The following ATPSCKMT variants were observed in gnomAD, a reference collection of about 807,000 sequenced individuals.
ATPSCKMT encodes ATP synthase c subunit lysine N-methyltransferase, also known as ATP synthase subunit C lysine N-methyltransferase.
A neutral mutation model predicts 24.3 loss-of-function variants in ATPSCKMT; 24 were observed. The ratio of observed to expected loss-of-function variants is 0.99; its 90% confidence interval spans 0.71 to 1.39. The LOEUF is 1.39. Ranked by LOEUF, ATPSCKMT falls within the 40% of genes most tolerant of loss-of-function variation. The probability of loss-of-function intolerance (pLI) is 0.00; values close to 1 mark genes in which losing one functional copy is unlikely to be tolerated. For synonymous variants in ATPSCKMT, 95 were observed against 110.5 expected (o/e 0.86, Z 0.88); for missense variants, 311 against 298.4 (o/e 1.04, Z -0.31).
intron 1 of ATPSCKMT, among the ~76,000 whole-genome samples, chr5:10,247,525 T>C (rs1744989607): frequency 6.6e-6 from 1 of 152,134 alleles, no homozygotes; most frequent in Non-Finnish European, 1.5e-5. Context: ...AATTTTTTTC[T>C]TTAGAGACAG....
At chr5:10,237,926 T>C (rs893141534) in intron 2 of ATPSCKMT, among the ~76,000 whole-genome samples, 1 of 152,090 alleles carries the variant, frequency 6.6e-6, no homozygotes, top group Non-Finnish European at 1.5e-5. Context: ...TTTGTATTTT[T>C]AGTAGAGAAA....
chr5:10,236,327 G>A (rs541777153), intron 3 of ATPSCKMT, 151 bp downstream of exon 3: 15 of 938,256 alleles, frequency 1.6e-5, no homozygotes, highest in Admixed American at 6.7e-5. Flanking sequence ...TTTGTAAAAC[G>A]TATCAATTTT....
At chr5:10,231,864 G>A (rs6888157) in intron 4 of ATPSCKMT, among the ~76,000 whole-genome samples, 25,832 of 152,176 alleles carry the variant, frequency 0.17, 3,738 homozygotes, top group East Asian at 0.76. Flanking sequence ...ATTCAGCTAC[G>A]AGTTATTTTT....
intron 2 of ATPSCKMT, 36 bp from the exon 3 acceptor site, chr5:10,236,651 GA>G: frequency 6.3e-7 from 1 of 1,596,848 alleles, no homozygotes; most frequent in Non-Finnish European, 8.5e-7. Flanking sequence ...AAAATAAGAA[GA>G]AAAAATGAAC....
rs146584669 is a variant in ATPSCKMT at position 10,230,869 on chromosome 5, G to A, written c.496-3222C>T. ...TAGACCTCTAATGCCAGGGTCCAGA[G>A]CTCATGCCTTCAACAGCTCATCCTC... is the stretch of plus-strand genomic sequence containing the variant. On this transcript the variant is annotated intron_variant, in intron 4 of 4. Transcript: ENST00000511437. Among the ~76,000 whole-genome samples, 10 of 152,172 alleles carry A rather than the reference G, an allele frequency of 6.6e-5. No individual in the cohort carries two copies. In the East Asian group the frequency reaches 1.9e-3, roughly 29 times the overall value.
chr5:10,240,996 CAA>C (rs57093278), intron 1 of ATPSCKMT, among the ~76,000 whole-genome samples: 3,202 of 122,832 alleles, frequency 0.026, 160 homozygotes, highest in East Asian at 0.19. Context: ...AACTCCATGT[CAA>C]AAAAAAAAAA....
At chr5:10,229,586 CAG>C (rs992444681) in intron 4 of ATPSCKMT, among the ~76,000 whole-genome samples, 3 of 152,178 alleles carry the variant, frequency 2.0e-5, no homozygotes, top group African/African-American at 4.8e-5. Context: ...TGTTACTCAT[CAG>C]AGAGTCCCTA....
intron 1 of ATPSCKMT, among the ~76,000 whole-genome samples, chr5:10,242,900 C>T (rs1744714990): frequency 6.6e-6 from 1 of 152,142 alleles, no homozygotes; most frequent in African/African-American, 2.4e-5. Context: ...TGAAAGGAAT[C>T]CTTTTTCTGA....
intron 1 of ATPSCKMT, chr5:10,248,480 C>T (rs1488416350): frequency 1.3e-5 from 2 of 152,234 alleles, no homozygotes; most frequent in Admixed American, 6.5e-5. Flanking sequence ...TTGAAGAACA[C>T]TTCAAGGTCT....
In ATPSCKMT at chr5:10,225,647, A is replaced by G. The variant is rs1228122942; in HGVS notation, c.*1794T>C. The stretch of plus-strand genomic sequence containing the variant: ...TCAGATCTCATTAAACTTACTCACT[A>G]TCATGAGAACAGCACAGGAAAGACC... On this transcript the variant is annotated 3_prime_UTR_variant, in exon 5 of 5. Transcript: ENST00000511437. Among the ~76,000 whole-genome samples the G allele has an allele frequency of 1.3e-5, 2 of 152,160 alleles. No individual in the cohort carries two copies. The highest frequency in any genetic ancestry group is 4.8e-5 in the African/African-American group (2 of 41,430).
rs1465554693 is a variant in ATPSCKMT, at chr5:10,226,374, C to T, written c.*1067G>A. The T allele has an allele frequency of 6.6e-6, 1 of 152,218 alleles. No individual in the cohort carries two copies. The highest frequency in any genetic ancestry group is 6.5e-5 in the Admixed American group (1 of 15,278). The allele number at this position is 152,218 out of a possible 1,614,324, so 9.4% of individuals were successfully genotyped here. On this transcript the variant is annotated 3_prime_UTR_variant, in exon 5 of 5. Coordinates refer to ENST00000511437, the MANE Select transcript of ATPSCKMT (RefSeq NM_199133.4). The stretch of plus-strand genomic sequence containing the variant: ...AGTTAAAGATGTGACCATCTTACTT[C>T]ATTACATCTCCATTAAGACAGTTTG...
intron 1 of ATPSCKMT, 154 bp downstream of exon 1, chr5:10,249,703 GA>G: frequency 8.2e-7 from 1 of 1,222,446 alleles, no homozygotes; most frequent in Non-Finnish European, 1.1e-6. Flanking sequence ...CGGCGACCAG[GA>G]GCTCTGGTCA....
chr5:10,249,603 G>A (rs540827880), intron 1 of ATPSCKMT: 3 of 484,766 alleles, frequency 6.2e-6, no homozygotes, highest in Admixed American at 7.8e-5. Context: ...TCGTGCCAAA[G>A]GCTGAGTCAC....
intron 4 of ATPSCKMT, among the ~76,000 whole-genome samples, chr5:10,231,117 G>C (rs752278348): frequency 6.6e-6 from 1 of 152,074 alleles, no homozygotes; most frequent in Admixed American, 6.5e-5. Context: ...CCAAGCGTGT[G>C]GCAGGATGGC....
intron 1 of ATPSCKMT, among the ~76,000 whole-genome samples, chr5:10,239,953 G>A (rs932265011): frequency 2.0e-5 from 3 of 152,132 alleles, no homozygotes; most frequent in East Asian, 1.9e-4. Flanking sequence ...AAGGCCGGGC[G>A]TGGTGGTTCA....
chr5:10,233,833 G>A lies in ATPSCKMT; in HGVS notation c.495+1378C>T, dbSNP rs1278016742. Among the ~76,000 whole-genome samples the A allele has an allele frequency of 2.0e-5, 3 of 152,126 alleles. 1 individual carries two copies. Among genetic ancestry groups the A allele is most frequent in the Admixed American group, 1.3e-4 (2 of 15,278 alleles). On this transcript the variant is annotated intron_variant, in intron 4 of 4. Coordinates refer to ENST00000511437, the MANE Select transcript of ATPSCKMT (RefSeq NM_199133.4). ...AAAGCTAACAATTCCATTTTAGAAC[G>A]AAAGCCCAAACATCACAGGTAATAA... is the stretch of plus-strand genomic sequence containing the variant.
At chr5:10,235,126 C>G (rs1186110247) in intron 4 of ATPSCKMT, 85 bp downstream of exon 4, 4 of 1,271,912 alleles carry the variant, frequency 3.1e-6, no homozygotes. Flanking sequence ...CCATCACCCT[C>G]ACACGGGTGA....
At chr5:10,242,396 T>C (rs954959577) in intron 1 of ATPSCKMT, among the ~76,000 whole-genome samples, 2 of 152,216 alleles carry the variant, frequency 1.3e-5, no homozygotes, top group African/African-American at 4.8e-5. Context: ...CCCTTGCTCA[T>C]CCATAAAAAG....
At chr5:10,234,546 A>C (rs915928992) in intron 4 of ATPSCKMT, among the ~76,000 whole-genome samples, 1 of 152,252 alleles carries the variant, frequency 6.6e-6, no homozygotes, top group Non-Finnish European at 1.5e-5. Flanking sequence ...CATTTTAGCA[A>C]ACATTCAATT....
Sources: gnomAD v4.1 joint callset for allele counts (sites outside exome capture counted in the v4.1 genomes callset) on GRCh38, gnomAD v4.1.1 for gene constraint, MANE v1.5 for transcripts, NCBI Gene and HGNC (gene_info 2026-07-23, HGNC 2026-07-21) for gene names.